Variants in EGF observed in about 807,000 individuals in gnomAD.
EGF encodes pro-epidermal growth factor.
A neutral mutation model predicts 143.8 loss-of-function variants in EGF; 95 were observed. That is an observed-to-expected ratio of 0.66 (90% CI 0.56 to 0.78). The LOEUF is 0.78. Among genes scored for constraint, EGF ranks in the 30% least tolerant of loss-of-function variants. The probability of loss-of-function intolerance (pLI) is 0.00; values close to 1 mark genes in which losing one functional copy is unlikely to be tolerated. For missense variants in EGF, 1,320 were observed against 1,470.9 expected (o/e 0.90, Z 1.68); for synonymous variants, 510 against 510.5 (o/e 1.00, Z 0.01).
At chr4:109,984,294 A>G (rs933628874) in intron 16 of EGF, among the ~76,000 whole-genome samples, 7 of 151,972 alleles carry the variant, frequency 4.6e-5, no homozygotes, top group African/African-American at 1.2e-4. Flanking sequence ...AGGACTTTTA[A>G]GGAGATGCTT....
intron 5 of EGF, among the ~76,000 whole-genome samples, chr4:109,945,961 G>T (rs1004221056): frequency 7.2e-5 from 11 of 152,124 alleles, no homozygotes; most frequent in Admixed American, 2.6e-4. Context: ...TTGCGTTTAG[G>T]CAAATAGAGC....
intron 15 of EGF, among the ~76,000 whole-genome samples, chr4:109,982,820 A>G (rs1275518829): frequency 3.3e-5 from 5 of 152,198 alleles, no homozygotes; most frequent in Admixed American, 3.3e-4. Context: ...TATTATGAAA[A>G]GAATTATGAC....
At chr4:109,966,884 G>T (rs1746694919) in intron 10 of EGF, among the ~76,000 whole-genome samples, 1 of 151,774 alleles carries the variant, frequency 6.6e-6, no homozygotes, top group Non-Finnish European at 1.5e-5. Flanking sequence ...CTTTTTAATG[G>T]GGTTATTTGT....
chr4:109,978,856 A>G (rs1416797690), intron 13 of EGF, among the ~76,000 whole-genome samples: 3 of 152,246 alleles, frequency 2.0e-5, no homozygotes, highest in Admixed American at 1.3e-4. Flanking sequence ...CAACAATGAT[A>G]AGTGGAGACT....
intron 23 of EGF, among the ~76,000 whole-genome samples, chr4:110,009,365 A>G (rs1753718059): frequency 6.6e-6 from 1 of 152,216 alleles, no homozygotes; most frequent in Non-Finnish European, 1.5e-5. Flanking sequence ...AAAGTAATGG[A>G]ATATTTGTAG....
At chr4:109,931,007 C>T (rs1179809931) in intron 1 of EGF, among the ~76,000 whole-genome samples, 2 of 152,190 alleles carry the variant, frequency 1.3e-5, no homozygotes, top group African/African-American at 2.4e-5. Context: ...GTACTTCCCC[C>T]CTTACTGAAC....
intron 1 of EGF, among the ~76,000 whole-genome samples, chr4:109,919,338 T>A (rs1320401140): frequency 1.7e-5 from 2 of 119,316 alleles, no homozygotes; most frequent in Non-Finnish European, 3.7e-5. Context: ...TCTCTCTCTC[T>A]CTCATCTCTC....
chr4:109,962,823 T>C (rs980831492), intron 8 of EGF, among the ~76,000 whole-genome samples: 2 of 152,108 alleles, frequency 1.3e-5, no homozygotes. Context: ...TCCTAGCATT[T>C]TGGGAGGCTG....
chr4:109,916,229 C>A lies in EGF; in HGVS notation c.127+2767C>A, dbSNP rs563315361. Among the ~76,000 whole-genome samples the A allele has an allele frequency of 5.9e-5, 9 of 152,246 alleles. No homozygotes were observed. The South Asian group carries it at 1.7e-3, about 28-fold the overall frequency. On this transcript the variant is annotated intron_variant, in intron 1 of 23. Coordinates refer to ENST00000265171, the MANE Select transcript of EGF (RefSeq NM_001963.6). The stretch of plus-strand genomic sequence containing the variant: ...GCTAAGGCGTGGTCAGCATCCCAGT[C>A]ATGTGCAAACCAGAGTAATTCTGAG...
chr4:109,946,806 G>A (rs1031389033), intron 5 of EGF, among the ~76,000 whole-genome samples: 5 of 152,256 alleles, frequency 3.3e-5, no homozygotes, highest in South Asian at 4.1e-4. Context: ...ACTTCTAAAT[G>A]TAGTCTTCTC....
chr4:109,948,315 A>G (rs1743204010), intron 5 of EGF, among the ~76,000 whole-genome samples: 1 of 152,158 alleles, frequency 6.6e-6, no homozygotes, highest in African/African-American at 2.4e-5. Flanking sequence ...TTTGCCCATT[A>G]TTGATTAGGT....
chr4:109,957,433 A>G (rs542291384), intron 5 of EGF, among the ~76,000 whole-genome samples: 4 of 152,374 alleles, frequency 2.6e-5, no homozygotes, highest in African/African-American at 7.2e-5. Context: ...TGCTCAAGCA[A>G]TATCACAAAA....
intron 10 of EGF, 117 bp downstream of exon 10, chr4:109,964,654 G>A (rs1450524716): frequency 7.1e-7 from 1 of 1,409,382 alleles, no homozygotes; most frequent in African/African-American, 1.4e-5. Context: ...GAATGATTAG[G>A]CACAGAACAA....
intron 1 of EGF, among the ~76,000 whole-genome samples, chr4:109,933,784 G>C (rs182739336): frequency 0.011 from 1,601 of 152,196 alleles, 27 homozygotes; most frequent in African/African-American, 0.035. Context: ...AGTATTCCAT[G>C]GTGTATATGT....
At chr4:110,010,780 G>T (rs1204840242) in intron 23 of EGF, among the ~76,000 whole-genome samples, 2 of 152,184 alleles carry the variant, frequency 1.3e-5, no homozygotes, top group Non-Finnish European at 2.9e-5. Flanking sequence ...TGGGCTCAGG[G>T]TGGGGTGTGG....
At position 109,945,561 on chromosome 4, in the gene EGF, G is replaced by A. The variant is rs6533482; in HGVS notation, c.940+286G>A. Among the ~76,000 whole-genome samples, 82,910 of 151,734 alleles carry A rather than the reference G, an allele frequency of 0.55. 25,496 individuals carry two copies. The highest frequency in any genetic ancestry group is 0.83 in the African/African-American group (34,506 of 41,402). On this transcript the variant is annotated intron_variant, in intron 5 of 23. Coordinates refer to ENST00000265171, the MANE Select transcript of EGF (RefSeq NM_001963.6). ...AGACCAGCCTGGACAACATAACAAGGCTCGGTCTCTACAAAAACGAAAGAA... is the reference window on the plus strand; with the variant it reads ...AGACCAGCCTGGACAACATAACAAGACTCGGTCTCTACAAAAACGAAAGAA...
At chr4:109,972,556 T>C (rs1578307408) in intron 11 of EGF, among the ~76,000 whole-genome samples, 1 of 152,342 alleles carries the variant, frequency 6.6e-6, no homozygotes, top group Middle Eastern at 3.4e-3. Context: ...ACAGTGACAG[T>C]TGTGTCTGAG....
Position 110,011,779 on chromosome 4 carries a change from C to A in EGF, c.*324C>A. 1 of 371,742 alleles carries A rather than the reference C, an allele frequency of 2.7e-6. No individual in the cohort carries two copies. Among genetic ancestry groups the A allele is most frequent in the South Asian group, 2.5e-5 (1 of 39,812 alleles). 23.0% of individuals were successfully genotyped at this position (371,742 alleles called of 1,614,324 possible). A position where few individuals can be genotyped will look rare whatever the true frequency, so the allele number is the denominator to read the frequency against. On this transcript the variant is annotated 3_prime_UTR_variant, in exon 24 of 24. Transcript: ENST00000265171. ...TTTTTGTTTTTGTTGTTCCTGCAGC[C>A]CCAGAAGAAATTAGGGGTTAAAGCA...
At chr4:109,932,377 A>ATATATATATATGTAT (rs1553929849) in intron 1 of EGF, among the ~76,000 whole-genome samples, 1 of 123,966 alleles carries the variant, frequency 8.1e-6, no homozygotes, top group African/African-American at 3.5e-5. Flanking sequence ...ATATATATAT[A>ATATATATATATGTAT]AATTTTTTTT....
Sources: gnomAD v4.1 joint callset for allele counts (sites outside exome capture counted in the v4.1 genomes callset) on GRCh38, gnomAD v4.1.1 for gene constraint, MANE v1.5 for transcripts, NCBI Gene and HGNC (gene_info 2026-07-23, HGNC 2026-07-21) for gene names.